The following RBSN variants were observed in gnomAD, a reference collection of about 807,000 sequenced individuals.
RBSN encodes rabenosyn-5.
RBSN carries 34 observed loss-of-function variants against 60.5 expected under a neutral mutation model. The ratio of observed to expected loss-of-function variants is 0.56; its 90% CI spans 0.43 to 0.75. RBSN has a LOEUF of 0.75. RBSN is among the 30% of genes least tolerant of loss of function. RBSN has a pLI of 0.00. For synonymous variants in RBSN, 322 were observed against 366.9 expected (o/e 0.88, Z 1.40); for missense variants, 845 against 986.8 (o/e 0.86, Z 1.92).
At position 15,073,646 on chromosome 3, in the gene RBSN, G is replaced by A; in HGVS notation, c.*136C>T. On this transcript the variant is annotated 3_prime_UTR_variant, in exon 14 of 14. Coordinates refer to ENST00000253699, the MANE Select transcript of RBSN (RefSeq NM_022340.4). ...ACCTCAAAGTGCGCAACACAAAACA[G>A]CAGATTCCTGCCCCTCACCTGTGTG... 8.1e-6 allele frequency: 7 copies of A among 861,674 alleles called. No individual in the cohort carries two copies. The highest frequency in any genetic ancestry group is 1.2e-5 in the Non-Finnish European group (7 of 569,132). 53.4% of individuals were successfully genotyped at this position (861,674 alleles called of 1,614,324 possible).
At chr3:15,086,006 T>G in intron 5 of RBSN, 45 bp from the exon 6 acceptor site, 1 of 1,516,236 alleles carries the variant, frequency 6.6e-7, no homozygotes, top group Non-Finnish European at 9.0e-7. Flanking sequence ...ATAGTTTCTC[T>G]GAGGGAGCCT....
At chr3:15,075,564 G>T in intron 13 of RBSN, 42 bp downstream of exon 13, 1 of 1,552,008 alleles carries the variant, frequency 6.4e-7, no homozygotes, top group Non-Finnish European at 8.9e-7. Context: ...GTGCTTGAGA[G>T]CCACAGGAGG....
intron 5 of RBSN, among the ~76,000 whole-genome samples, chr3:15,088,735 C>G (rs181135515): frequency 4.6e-5 from 7 of 152,282 alleles, no homozygotes; most frequent in Admixed American, 3.9e-4. Flanking sequence ...TGTTTCCATT[C>G]TCCAATACAG....
intron 2 of RBSN, among the ~76,000 whole-genome samples, chr3:15,097,546 A>G (rs959131059): frequency 2.6e-5 from 4 of 152,144 alleles, no homozygotes; most frequent in Non-Finnish European, 4.4e-5. Context: ...AAATAAATAA[A>G]TAAATTGATT....
intron 10 of RBSN, among the ~76,000 whole-genome samples, chr3:15,079,540 A>G (rs949446356): frequency 3.3e-5 from 5 of 152,246 alleles, no homozygotes; most frequent in African/African-American, 1.2e-4. Flanking sequence ...GAAAAAACCC[A>G]AATGTTCATC....
chr3:15,080,661 ACTGGAG>A, intron 10 of RBSN, 65 bp downstream of exon 10: 1 of 1,428,362 alleles, frequency 7.0e-7, no homozygotes, highest in Non-Finnish European at 9.7e-7. Flanking sequence ...ATTTTTGGCT[ACTGGAG>A]AATTGACCTA....
chr3:15,090,936 G>T (rs953028955), intron 4 of RBSN, among the ~76,000 whole-genome samples: 51 of 151,886 alleles, frequency 3.4e-4, no homozygotes, highest in African/African-American at 1.2e-3. Context: ...AAAACTTTTT[G>T]AATTGGGCCA....
rs1040635454 is a variant in RBSN at position 15,082,446 on chromosome 3, T to C, written c.761A>G (p.His254Arg). ...TCTCTTGAGCAGCGTGTCCTTGCAG[T>C]GTGTACAGCAGCGGATCCGGTCATC... ...KDDDRIRCCT[H>R]CKDTLLKREQ... The change falls in exon 9 of 14, where the codon CAC (histidine) becomes CGC (arginine). Residue 254 changes from histidine (H) to arginine (R), a missense_variant. By Grantham distance (29) the His-to-Arg change is conservative. Coordinates refer to ENST00000253699, the MANE Select transcript of RBSN (RefSeq NM_022340.4). The surrounding 1 kb of genome is among the most constrained non-coding windows in gnomAD (Gnocchi z 4.2). 9 of 1,614,018 alleles carry C rather than the reference T, an allele frequency of 5.6e-6. No individual in the cohort carries two copies. The highest frequency in any genetic ancestry group is 3.3e-5 in the Admixed American group (2 of 59,996).
At chr3:15,090,824 T>A (rs1485825039) in intron 4 of RBSN, among the ~76,000 whole-genome samples, 1 of 152,188 alleles carries the variant, frequency 6.6e-6, no homozygotes, top group Non-Finnish European at 1.5e-5. Context: ...CACAATTAAA[T>A]AAAAGTGCTA....
At chr3:15,092,873 G>A (rs931868550) in intron 4 of RBSN, among the ~76,000 whole-genome samples, 6 of 152,150 alleles carry the variant, frequency 3.9e-5, no homozygotes, top group Admixed American at 3.3e-4. Context: ...ACTTTTAGGA[G>A]ATAGAAAAAC....
intron 4 of RBSN, among the ~76,000 whole-genome samples, chr3:15,092,008 C>G (rs2043529434): frequency 6.6e-6 from 1 of 152,050 alleles, no homozygotes; most frequent in South Asian, 2.1e-4. Context: ...GGTATCATTA[C>G]TTTTACTTTT....
At chr3:15,078,025 G>A in intron 11 of RBSN, 50 bp downstream of exon 11, 1 of 1,499,470 alleles carries the variant, frequency 6.7e-7, no homozygotes, top group South Asian at 1.1e-5. Context: ...CATTAGAACA[G>A]CATCTTCTCC....
chr3:15,085,111 A>G (rs2043305555), intron 6 of RBSN, 66 bp from the exon 7 acceptor site: 4 of 1,565,024 alleles, frequency 2.6e-6, no homozygotes, highest in Non-Finnish European at 3.5e-6. Flanking sequence ...CACACTTTCC[A>G]ATACATCAAG....
intron 4 of RBSN, 87 bp from the exon 5 acceptor site, chr3:15,090,626 G>A (rs982875847): frequency 1.1e-5 from 17 of 1,522,446 alleles, no homozygotes; most frequent in Non-Finnish European, 1.3e-5. Context: ...AAGAGTTGAC[G>A]AAATAATTAT....
At chr3:15,083,303 T>A (rs576640244) in intron 8 of RBSN, among the ~76,000 whole-genome samples, 1 of 152,308 alleles carries the variant, frequency 6.6e-6, no homozygotes, top group South Asian at 2.1e-4. Context: ...TACAGTGACC[T>A]GGTATATGTG....
In RBSN at chr3:15,082,285, C is replaced by A; in HGVS notation, c.840+82G>T. 2 of 1,532,600 alleles carry A rather than the reference C, an allele frequency of 1.3e-6. No homozygotes were observed. Among genetic ancestry groups the A allele is most frequent in the Non-Finnish European group, 1.8e-6 (2 of 1,124,400 alleles). 94.9% of individuals were successfully genotyped at this position (1,532,600 alleles called of 1,614,324 possible). On this transcript the variant is annotated intron_variant, in intron 9 of 13. Transcript: ENST00000253699. This position sits in a 1 kb window ranked among gnomAD's most constrained non-coding sequence, Gnocchi z 4.2. ...CAAACGAACAACTTCCCAAAGCATT[C>A]TCCAGAATCTGCAGGAGTGTACATA...
chr3:15,085,179 A>C, intron 6 of RBSN, 134 bp from the exon 7 acceptor site: 1 of 1,050,974 alleles, frequency 9.5e-7, no homozygotes, highest in Non-Finnish European at 1.4e-6. Flanking sequence ...AACGCCACAA[A>C]ATCACAAAAA....
In RBSN at chr3:15,074,642, G is replaced by A. The variant is rs762677532; in HGVS notation, c.1495C>T (p.Gln499Ter). 2 of 1,614,224 alleles carry A rather than the reference G, an allele frequency of 1.2e-6. No homozygotes were observed. The highest frequency in any genetic ancestry group is 1.7e-6 in the Non-Finnish European group (2 of 1,180,040). ...AGCTCGATGGCCTTCTCTGTCTGCTGCTGGTCATACTCGTCCTGCAGCTGC... is the reference window on the plus strand; with the variant it reads ...AGCTCGATGGCCTTCTCTGTCTGCTACTGGTCATACTCGTCCTGCAGCTGC... ...LRQLQDEYDQ[Q>*]QTEKAIELSR... The change falls in exon 14 of 14, where the codon CAG becomes TAG. Residue 499 changes from glutamine (Q) to a stop codon, truncating the protein, a stop_gained. Coordinates refer to ENST00000253699, the MANE Select transcript of RBSN (RefSeq NM_022340.4). LOFTEE classifies it low-confidence loss of function (END_TRUNC). This position sits in a 1 kb window ranked among gnomAD's most constrained non-coding sequence, Gnocchi z 6.4.
At position 15,082,568 on chromosome 3, in the gene RBSN, G is replaced by A. The variant is rs760612360; in HGVS notation, c.639C>T (p.His213=). The change falls in exon 9 of 14, where the codon CAC becomes CAT. Residue 213 remains histidine (H), a synonymous_variant. Transcript: ENST00000253699. The surrounding 1 kb of genome is among the most constrained non-coding windows in gnomAD (Gnocchi z 4.2). ...TSASKESLST[H]TSPSQSPNSV... is the part of the protein sequence containing the mutation. ...TGTTGGGTGACTGGCTGGGGCTGGTGTGGGTGCTCAGGGACTCCTTGCTGG... is the reference window on the plus strand; with the variant it reads ...TGTTGGGTGACTGGCTGGGGCTGGTATGGGTGCTCAGGGACTCCTTGCTGG... The A allele has an allele frequency of 6.2e-7, 1 of 1,614,206 alleles. No homozygotes were observed.
Sources: allele counts gnomAD v4.1 joint callset (sites outside exome capture counted in the v4.1 genomes callset), GRCh38; gene constraint gnomAD v4.1.1; non-coding constraint Gnocchi (gnomAD v3.1); transcripts MANE v1.5; gene names NCBI Gene and HGNC (gene_info 2026-07-23, HGNC 2026-07-21).